Variants in LSAMP observed in about 807,000 individuals in gnomAD.
LSAMP encodes limbic system-associated membrane protein.
A neutral mutation model predicts 38.6 loss-of-function variants in LSAMP; 7 were observed. That is an observed-to-expected ratio of 0.18 (90% CI 0.10 to 0.34). The LOEUF is 0.34. LSAMP is among the 10% of genes least tolerant of loss of function. The pLI is 1.00. For synonymous variants in LSAMP, 154 were observed against 166.8 expected (o/e 0.92, Z 0.59); for missense variants, 313 against 420.0 (o/e 0.75, Z 2.23).
intron 4 of LSAMP, among the ~76,000 whole-genome samples, chr3:115,848,079 C>T (rs1038105007): frequency 1.3e-5 from 2 of 152,042 alleles, no homozygotes; most frequent in Admixed American, 6.6e-5. Flanking sequence ...CATTACCTAC[C>T]CACAGGCAAG....
At chr3:115,864,767 A>G (rs72953461) in intron 3 of LSAMP, among the ~76,000 whole-genome samples, 28,845 of 152,080 alleles carry the variant, frequency 0.19, 3,537 homozygotes, top group African/African-American at 0.33. Flanking sequence ...GTGTATGATT[A>G]ATAGAGTGTA....
chr3:116,102,524 C>A (rs2107452608), intron 1 of LSAMP, among the ~76,000 whole-genome samples: 1 of 152,312 alleles, frequency 6.6e-6, no homozygotes, highest in South Asian at 2.1e-4. Context: ...GCAGATTGAT[C>A]TTCCCAAATG....
At chr3:115,994,369 T>C (rs1295401690) in intron 3 of LSAMP, among the ~76,000 whole-genome samples, 1 of 152,088 alleles carries the variant, frequency 6.6e-6, no homozygotes, top group South Asian at 2.1e-4. Context: ...GTCATTTTAA[T>C]AAAAACAGTT....
At chr3:116,264,688 A>C (rs893076753) in intron 1 of LSAMP, among the ~76,000 whole-genome samples, 9 of 152,116 alleles carry the variant, frequency 5.9e-5, no homozygotes, top group Admixed American at 5.9e-4. Context: ...TGCAGCCTCA[A>C]GCTCCTGGGC....
At chr3:115,949,708 G>A (rs1938219518) in intron 3 of LSAMP, among the ~76,000 whole-genome samples, 1 of 151,680 alleles carries the variant, frequency 6.6e-6, no homozygotes, top group Admixed American at 6.6e-5. Flanking sequence ...GATAGAGAAA[G>A]AGGGAATCCT....
At chr3:116,319,344 C>T (rs1483501902) in intron 1 of LSAMP, among the ~76,000 whole-genome samples, 1 of 152,156 alleles carries the variant, frequency 6.6e-6, no homozygotes, top group Non-Finnish European at 1.5e-5. Context: ...CTACGTCAGG[C>T]ATCACCCCAG....
chr3:115,958,431 C>T lies in LSAMP; in HGVS notation c.514+61084G>A, dbSNP rs573273451. Among the ~76,000 whole-genome samples the T allele has an allele frequency of 3.9e-5, 6 of 152,200 alleles. No homozygotes were observed. In the South Asian group the frequency reaches 8.3e-4, roughly 21 times the overall value. The stretch of plus-strand genomic sequence containing the variant: ...TTAAGTAGAGGTTTTGAATTGTAAA[C>T]GTTTCAAAGATGCTTGTGAAATTCT... On this transcript the variant is annotated intron_variant, in intron 3 of 6. Coordinates refer to ENST00000490035, the MANE Select transcript of LSAMP (RefSeq NM_002338.5).
chr3:116,299,182 T>C (rs1394029260), intron 1 of LSAMP, among the ~76,000 whole-genome samples: 1 of 152,098 alleles, frequency 6.6e-6, no homozygotes, highest in Non-Finnish European at 1.5e-5. Flanking sequence ...AACTGGGGAA[T>C]TGGGAGAAGT....
chr3:116,297,781 GA>G (rs577256489), intron 1 of LSAMP, among the ~76,000 whole-genome samples: 298 of 152,292 alleles, frequency 2.0e-3, no homozygotes, highest in Non-Finnish European at 4.3e-4. Context: ...TAAAATAGGT[GA>G]AAATTATTTT....
At chr3:116,080,417 G>A (rs1213168114) in intron 2 of LSAMP, among the ~76,000 whole-genome samples, 1 of 152,214 alleles carries the variant, frequency 6.6e-6, no homozygotes, top group African/African-American at 2.4e-5. Context: ...TAGAAAGTAT[G>A]TGGATGTATA....
chr3:115,969,530 A>G (rs1938942314), intron 3 of LSAMP, among the ~76,000 whole-genome samples: 1 of 152,126 alleles, frequency 6.6e-6, no homozygotes, highest in Non-Finnish European at 1.5e-5. Context: ...GATGAAGGTG[A>G]CCCACCCTTC....
chr3:115,841,076 G>T (rs1198178502), intron 6 of LSAMP, among the ~76,000 whole-genome samples: 5 of 152,224 alleles, frequency 3.3e-5, no homozygotes, highest in Non-Finnish European at 7.3e-5. Context: ...TGCCCAACAA[G>T]GCAGGGTGTT....
chr3:116,242,157 TAAAAC>T (rs2046545164), intron 1 of LSAMP, among the ~76,000 whole-genome samples: 1 of 151,904 alleles, frequency 6.6e-6, no homozygotes, highest in South Asian at 2.1e-4. Flanking sequence ...AAGAGTAAAA[TAAAAC>T]AAATTGCCAA....
chr3:116,097,501 C>G (rs1708250001), intron 1 of LSAMP, among the ~76,000 whole-genome samples: 1 of 152,166 alleles, frequency 6.6e-6, no homozygotes, highest in Non-Finnish European at 1.5e-5. Context: ...TGCATTGAGA[C>G]ATAATTCAGA....
chr3:116,381,210 T>C (rs570940051), intron 1 of LSAMP, among the ~76,000 whole-genome samples: 17 of 152,226 alleles, frequency 1.1e-4, no homozygotes, highest in African/African-American at 4.1e-4. Flanking sequence ...CTCTTCTGAC[T>C]AAAAATTCTT....
At chr3:116,306,711 A>G (rs1325212706) in intron 1 of LSAMP, among the ~76,000 whole-genome samples, 1 of 152,080 alleles carries the variant, frequency 6.6e-6, no homozygotes, top group East Asian at 1.9e-4. Context: ...AAGTCATAAT[A>G]CACAATAATA....
At chr3:115,995,857 T>C (rs1057198178) in intron 3 of LSAMP, among the ~76,000 whole-genome samples, 2 of 152,032 alleles carry the variant, frequency 1.3e-5, no homozygotes, top group Non-Finnish European at 2.9e-5. Context: ...TATATATTAA[T>C]ATTTTCCTGA....
At chr3:116,151,184 T>A (rs1185645177) in intron 1 of LSAMP, among the ~76,000 whole-genome samples, 1 of 152,000 alleles carries the variant, frequency 6.6e-6, no homozygotes, top group Non-Finnish European at 1.5e-5. Flanking sequence ...GTATGAAGAA[T>A]CTTACTTTAA....
rs2047337278 is a variant in LSAMP at position 116,296,552 on chromosome 3, G to A, written c.155+148325C>T. Among the ~76,000 whole-genome samples the A allele has an allele frequency of 2.0e-5, 3 of 152,068 alleles. No homozygotes were observed. The South Asian group carries it at 6.3e-4, about 32-fold the overall frequency. Reference sequence around the variant, plus strand: ...CAAAAAATTAGCCGGGCATGGTGGTGGGTGCCGTGGCGGGCGCCCGTAGTC... The same window carrying A: ...CAAAAAATTAGCCGGGCATGGTGGTAGGTGCCGTGGCGGGCGCCCGTAGTC... On this transcript the variant is annotated intron_variant, in intron 1 of 6. Transcript: ENST00000490035.
Sources: allele counts gnomAD v4.1 joint callset (sites outside exome capture counted in the v4.1 genomes callset), GRCh38; gene constraint gnomAD v4.1.1; transcripts MANE v1.5; gene names NCBI Gene and HGNC (gene_info 2026-07-23, HGNC 2026-07-21).